The following SOX5 variants were observed in gnomAD, a reference collection of about 807,000 sequenced individuals.
SOX5 encodes the protein SRY-box transcription factor 5.
In SOX5, 9 loss-of-function variants were observed where a neutral mutation model predicts 92.0. That is an observed-to-expected ratio of 0.10 (90% CI 0.06 to 0.17). SOX5 has a LOEUF of 0.17. SOX5 is among the 10% of genes least tolerant of loss of function. The probability of loss-of-function intolerance (pLI) is 1.00; values close to 1 mark genes in which losing one functional copy is unlikely to be tolerated. For missense variants in SOX5, 642 were observed against 944.5 expected (o/e 0.68, Z 4.20); for synonymous variants, 344 against 336.3 (o/e 1.02, Z -0.25).
At chr12:24,024,240 A>G (rs1186755244) in intron 4 of SOX5, among the ~76,000 whole-genome samples, 1 of 152,018 alleles carries the variant, frequency 6.6e-6, no homozygotes, top group African/African-American at 2.4e-5. Flanking sequence ...ACTTTCCAGG[A>G]CAAACTTCTA....
At chr12:23,627,810 T>C (rs76571125) in intron 8 of SOX5, among the ~76,000 whole-genome samples, 12,499 of 151,626 alleles carry the variant, frequency 0.082, 693 homozygotes, top group Non-Finnish European at 0.12. Context: ...AATGTTTAAA[T>C]AAAATTTAGT....
chr12:23,772,098 AT>A (rs1262739451), intron 3 of SOX5, among the ~76,000 whole-genome samples: 2 of 152,226 alleles, frequency 1.3e-5, no homozygotes, highest in Non-Finnish European at 2.9e-5. Context: ...AATTAAAAAA[AT>A]AAATTTTCAA....
chr12:23,948,393 G>A (rs907731826), intron 1 of SOX5, among the ~76,000 whole-genome samples: 1 of 151,978 alleles, frequency 6.6e-6, no homozygotes, highest in Non-Finnish European at 1.5e-5. Flanking sequence ...CTTCTAGAAT[G>A]TTTTAATCTT....
At chr12:23,541,091 T>C (rs1027227917) in intron 13 of SOX5, among the ~76,000 whole-genome samples, 2 of 152,218 alleles carry the variant, frequency 1.3e-5, no homozygotes, top group African/African-American at 4.8e-5. Flanking sequence ...AATTAGGCAG[T>C]ATTCTCTTTC....
intron 1 of SOX5, among the ~76,000 whole-genome samples, chr12:24,416,565 T>G: frequency 6.6e-6 from 1 of 152,150 alleles, no homozygotes; most frequent in East Asian, 1.9e-4. Flanking sequence ...TCAACTAATG[T>G]AAAAATATGA....
At chr12:23,604,636 A>G (rs1003880815) in intron 8 of SOX5, 103 bp from the exon 9 acceptor site, 3 of 1,170,038 alleles carry the variant, frequency 2.6e-6, no homozygotes, top group Non-Finnish European at 2.4e-6. Flanking sequence ...TTTTCCTATG[A>G]GCATTTTGTT....
intron 1 of SOX5, among the ~76,000 whole-genome samples, chr12:24,370,613 G>A (rs941386482): frequency 1.3e-5 from 2 of 151,978 alleles, no homozygotes; most frequent in East Asian, 3.9e-4. Flanking sequence ...CCAATATGGC[G>A]AAAACCTGTC....
chr12:23,901,058 A>C (rs2097225621), intron 1 of SOX5, among the ~76,000 whole-genome samples: 1 of 152,216 alleles, frequency 6.6e-6, no homozygotes, highest in African/African-American at 2.4e-5. Context: ...GACTTTTTGC[A>C]TGTGTAATTA....
intron 1 of SOX5, among the ~76,000 whole-genome samples, chr12:24,474,055 A>G (rs1391586319): frequency 6.6e-6 from 1 of 152,196 alleles, no homozygotes; most frequent in East Asian, 1.9e-4. Context: ...AAACATAAAC[A>G]TGGTTTATTT....
Position 23,818,123 on chromosome 12 carries a change from T to C in SOX5, c.481+27860A>G, listed in dbSNP as rs113925129. ...TGGGAGTTCCCATTCTGTATTGAGATCCTGATCTGTGTACAGTCATGCATT... is the reference window on the plus strand; with the variant it reads ...TGGGAGTTCCCATTCTGTATTGAGACCCTGATCTGTGTACAGTCATGCATT... On this transcript the variant is annotated intron_variant, in intron 3 of 14. Transcript: ENST00000451604. Among the ~76,000 whole-genome samples the C allele has an allele frequency of 9.8e-3, 1,497 of 152,312 alleles. 18 individuals are homozygous for C. The highest frequency in any genetic ancestry group is 0.013 in the Non-Finnish European group (883 of 68,014).
At chr12:23,873,065 G>A (rs956944370) in intron 2 of SOX5, among the ~76,000 whole-genome samples, 2 of 152,092 alleles carry the variant, frequency 1.3e-5, no homozygotes, top group Non-Finnish European at 2.9e-5. Flanking sequence ...GACAGCCTTC[G>A]CCAAGAAATC....
At chr12:24,449,238 T>C (rs988964143) in intron 1 of SOX5, among the ~76,000 whole-genome samples, 22 of 152,148 alleles carry the variant, frequency 1.4e-4, no homozygotes, top group African/African-American at 5.1e-4. Flanking sequence ...ACAAAAAAAA[T>C]TCTAATTCCT....
intron 3 of SOX5, among the ~76,000 whole-genome samples, chr12:24,267,390 G>T (rs1943155699): frequency 6.6e-6 from 1 of 152,056 alleles, no homozygotes; most frequent in African/African-American, 2.4e-5. Flanking sequence ...TTATCTAAAA[G>T]ATGCATAGAT....
chr12:24,507,485 C>T (rs1948907541), intron 1 of SOX5, among the ~76,000 whole-genome samples: 1 of 151,822 alleles, frequency 6.6e-6, no homozygotes, highest in Non-Finnish European at 1.5e-5. Flanking sequence ...AAGTAAATGA[C>T]ATTAATAAAA....
chr12:23,805,299 A>G (rs893601406), intron 3 of SOX5, among the ~76,000 whole-genome samples: 1 of 151,928 alleles, frequency 6.6e-6, no homozygotes, highest in East Asian at 1.9e-4. Flanking sequence ...TTTTCTATCT[A>G]TAGTGGTATA....
chr12:24,549,357 A>G (rs1952935631), intron 1 of SOX5, among the ~76,000 whole-genome samples: 1 of 152,240 alleles, frequency 6.6e-6, no homozygotes, highest in Non-Finnish European at 1.5e-5. Flanking sequence ...AGCAGTTAAC[A>G]TGGTGTCTGG....
chr12:23,641,606 A>T lies in SOX5; in HGVS notation c.932-709T>A, dbSNP rs139588868. On this transcript the variant is annotated intron_variant, in intron 7 of 14. Transcript: ENST00000451604. ...TTATATGACCTGTAAAAATATAGGC[A>T]CACACAAAAACATACAGAGAAGCAC... Among the ~76,000 whole-genome samples, 815 of 152,312 alleles carry T rather than the reference A, an allele frequency of 5.4e-3. 8 individuals carry two copies. Among genetic ancestry groups the T allele is most frequent in the African/African-American group, 0.018 (765 of 41,560 alleles).
chr12:24,436,216 C>G (rs1388087244), intron 1 of SOX5, among the ~76,000 whole-genome samples: 1 of 152,154 alleles, frequency 6.6e-6, no homozygotes, highest in Admixed American at 6.5e-5. Flanking sequence ...AGCAACGATT[C>G]CGGATAGTGA....
chr12:24,190,383 T>C (rs559175808), intron 4 of SOX5, among the ~76,000 whole-genome samples: 2 of 152,316 alleles, frequency 1.3e-5, no homozygotes, highest in South Asian at 4.1e-4. Flanking sequence ...TCAGATGCAA[T>C]AGATGCATTC....
Sources: allele counts gnomAD v4.1 joint callset (sites outside exome capture counted in the v4.1 genomes callset), GRCh38; gene constraint gnomAD v4.1.1; transcripts MANE v1.5; gene names NCBI Gene and HGNC (gene_info 2026-07-23, HGNC 2026-07-21).